CABP7: variants seen among roughly 807,000 people sequenced by gnomAD.
The protein encoded by CABP7 is calcium binding protein 7, also known as calcium-binding protein 7.
A neutral mutation model predicts 23.1 loss-of-function variants in CABP7; 13 were observed. The observed-to-expected ratio is 0.56, with a 90% CI of 0.37 to 0.90. CABP7 has a LOEUF of 0.90. CABP7 is among the 40% of genes least tolerant of loss of function. The pLI is 0.01. For missense variants in CABP7, 248 were observed against 295.6 expected, an observed-to-expected ratio of 0.84 and a Z score of 1.18; for synonymous variants, 123 against 115.3, an observed-to-expected ratio of 1.07 and a Z score of -0.43.
intron 3 of CABP7, 114 bp downstream of exon 3, chr22:29,728,856 T>A (rs953483299): frequency 1.0e-6 from 1 of 1,000,420 alleles, no homozygotes; most frequent in African/African-American, 1.6e-5. Flanking sequence ...CAGGCTTGTG[T>A]CCACTGGACA....
intron 1 of CABP7, among the ~76,000 whole-genome samples, chr22:29,725,688 C>T (rs1045972822): frequency 3.3e-5 from 5 of 152,122 alleles, no homozygotes; most frequent in African/African-American, 1.2e-4. Flanking sequence ...GGGGTTGTGT[C>T]GGGGTTTGCC....
chr22:29,729,343 C>T, intron 4 of CABP7, 99 bp from the exon 5 acceptor site: 1 of 1,576,224 alleles, frequency 6.3e-7, no homozygotes, highest in African/African-American at 1.3e-5. Flanking sequence ...TTGGGGCACC[C>T]CATGGGATGA....
intron 1 of CABP7, among the ~76,000 whole-genome samples, chr22:29,725,770 T>C (rs1168748826): frequency 1.4e-5 from 2 of 139,274 alleles, no homozygotes; most frequent in African/African-American, 5.3e-5. Flanking sequence ...GCAGTCCTGG[T>C]ACCCACAGGA....
intron 1 of CABP7, among the ~76,000 whole-genome samples, chr22:29,726,098 C>T (rs2067793760): frequency 6.6e-6 from 1 of 152,196 alleles, no homozygotes; most frequent in African/African-American, 2.4e-5. Flanking sequence ...CCTCCCCGCC[C>T]AGATGCTTCC....
chr22:29,725,588 A>T (rs5763436), intron 1 of CABP7, among the ~76,000 whole-genome samples: 47,891 of 152,082 alleles, frequency 0.31, 8,664 homozygotes, highest in East Asian at 0.56. Context: ...GGGCAAGAGC[A>T]GGGCCTGTGG....
At position 29,731,212 on chromosome 22, in the gene CABP7, G is replaced by A. The variant is rs199783629; in HGVS notation, c.*1643G>A. On this transcript the variant is annotated 3_prime_UTR_variant, in exon 5 of 5. Transcript: ENST00000216144. ...AAAAGTGACCACGTGGGGGTCAGTC[G>A]GGGGCAAGGGGCTCAGCCCCACTGG... The A allele has an allele frequency of 6.6e-5, 98 of 1,486,626 alleles. No individual in the cohort carries two copies. Among genetic ancestry groups the A allele is most frequent in the Admixed American group, 2.0e-4 (7 of 34,696 alleles). The allele number at this position is 1,486,626 out of a possible 1,614,324, so 92.1% of individuals were successfully genotyped here.
rs1569328907 is a variant in CABP7 at position 29,720,566 on chromosome 22, CCCT to C, written c.109+37_109+39del. On this transcript the variant is annotated intron_variant, in intron 1 of 4. Coordinates refer to ENST00000216144, the MANE Select transcript of CABP7 (RefSeq NM_182527.3). This position sits in a 1 kb window ranked among gnomAD's most constrained non-coding sequence, Gnocchi z 5.2. ...TCCGCCGGGATCCCCGCCCCGGCGG[CCCT>C]CCTACCTGTGCGCCCAGGTGAAGCG... is the stretch of plus-strand genomic sequence containing the variant. 7.0e-7 allele frequency: 1 copy of C among 1,434,130 alleles called. No homozygotes were observed. The allele number at this position is 1,434,130 out of a possible 1,614,324, so 88.8% of individuals were successfully genotyped here. A position where few individuals can be genotyped will look rare whatever the true frequency, so the allele number is the denominator to read the frequency against.
Position 29,720,596 on chromosome 22 carries a change from G to C in CABP7, c.109+63G>C, listed in dbSNP as rs916881783. 6 of 1,100,926 alleles carry C rather than the reference G, an allele frequency of 5.4e-6. No homozygotes were observed. The highest frequency in any genetic ancestry group is 3.3e-5 in the African/African-American group (2 of 59,986). The allele number at this position is 1,100,926 out of a possible 1,614,324, so 68.2% of individuals were successfully genotyped here. A position where few individuals can be genotyped will look rare whatever the true frequency, so the allele number is the denominator to read the frequency against. Reference sequence around the variant, plus strand: ...CTACCTGTGCGCCCAGGTGAAGCGCGGGCCAGGGGCGCGGGGGCGGGGGGC... The same window carrying C: ...CTACCTGTGCGCCCAGGTGAAGCGCCGGCCAGGGGCGCGGGGGCGGGGGGC... On this transcript the variant is annotated intron_variant, in intron 1 of 4. Coordinates refer to ENST00000216144, the MANE Select transcript of CABP7 (RefSeq NM_182527.3). This position sits in a 1 kb window ranked among gnomAD's most constrained non-coding sequence, Gnocchi z 5.2.
Position 29,727,642 on chromosome 22 carries a change from CT to C in CABP7, c.110-19del. ...TTGGGGACCGGGGTGAAGTCCCAGC[CT>C]ACTCCATTCTCTCCTCAGAGATCCG... On this transcript the variant is annotated intron_variant, in intron 1 of 4. Transcript: ENST00000216144. This position sits in a 1 kb window ranked among gnomAD's most constrained non-coding sequence, Gnocchi z 4.2. 1 of 1,613,420 alleles carries C rather than the reference CT, an allele frequency of 6.2e-7. No homozygotes were observed. Among genetic ancestry groups the C allele is most frequent in the Non-Finnish European group, 8.5e-7 (1 of 1,179,784 alleles).
At position 29,729,212 on chromosome 22, in the gene CABP7, A is replaced by G. The variant is rs1049307997; in HGVS notation, c.520+4A>G. 1 of 1,602,726 alleles carries G rather than the reference A, an allele frequency of 6.2e-7. No individual in the cohort carries two copies. Among genetic ancestry groups the G allele is most frequent in the Non-Finnish European group, 8.5e-7 (1 of 1,175,768 alleles). Reference sequence around the variant, plus strand: ...GAGTGTCCCGTGGATGTGGAGAGTGAGTGGCTGGCCCTGGAACCCCACGGG... The same window carrying G: ...GAGTGTCCCGTGGATGTGGAGAGTGGGTGGCTGGCCCTGGAACCCCACGGG... On this transcript the variant is annotated splice_donor_region_variant and intron_variant, in intron 4 of 4. Coordinates refer to ENST00000216144, the MANE Select transcript of CABP7 (RefSeq NM_182527.3).
Position 29,727,629 on chromosome 22 carries a change from G to A in CABP7, c.110-33G>A, listed in dbSNP as rs367782732. 1.4e-5 allele frequency: 22 copies of A among 1,612,444 alleles called. No individual in the cohort carries two copies. The highest frequency in any genetic ancestry group is 1.8e-5 in the Non-Finnish European group (21 of 1,179,358). On this transcript the variant is annotated intron_variant, in intron 1 of 4. Transcript: ENST00000216144. The surrounding 1 kb of genome is among the most constrained non-coding windows in gnomAD (Gnocchi z 4.2). ...GAAAGGGGGTCTGTTGGGGACCGGG[G>A]TGAAGTCCCAGCCTACTCCATTCTC...
At chr22:29,725,362 A>C (rs957027165) in intron 1 of CABP7, among the ~76,000 whole-genome samples, 1 of 152,146 alleles carries the variant, frequency 6.6e-6, no homozygotes, top group Admixed American at 6.5e-5. Flanking sequence ...GCGGTATGTG[A>C]ACTGCTGCTC....
In CABP7 at chr22:29,731,337, G is replaced by A; in HGVS notation, c.*1768G>A. The A allele has an allele frequency of 6.5e-7, 1 of 1,541,824 alleles. No homozygotes were observed. Among genetic ancestry groups the A allele is most frequent in the Non-Finnish European group, 8.7e-7 (1 of 1,153,740 alleles). On this transcript the variant is annotated 3_prime_UTR_variant, in exon 5 of 5. Coordinates refer to ENST00000216144, the MANE Select transcript of CABP7 (RefSeq NM_182527.3). ...GCCCACGGGGTACTGGAAGACAGTG[G>A]TTCTGATGGGTTCAGCCCTAGAGAG...
chr22:29,729,230 C>T, intron 4 of CABP7, 22 bp downstream of exon 4: 1 of 1,593,886 alleles, frequency 6.3e-7, no homozygotes, highest in East Asian at 2.3e-5. Context: ...GCCCTGGAAC[C>T]CCACGGGTGG....
Position 29,728,615 on chromosome 22 carries a change from C to G in CABP7, c.254-15C>G. On this transcript the variant is annotated splice_polypyrimidine_tract_variant and intron_variant, in intron 2 of 4. Coordinates refer to ENST00000216144, the MANE Select transcript of CABP7 (RefSeq NM_182527.3). Reference sequence around the variant, plus strand: ...GGCCCTACCCACTGATTGATTGGACCTGTGCCTCCACCAGGTGATGGTCAA... The same window carrying G: ...GGCCCTACCCACTGATTGATTGGACGTGTGCCTCCACCAGGTGATGGTCAA... 1 of 1,555,736 alleles carries G rather than the reference C, an allele frequency of 6.4e-7. No homozygotes were observed. The highest frequency in any genetic ancestry group is 2.2e-5 in the East Asian group (1 of 44,578).
At chr22:29,728,876 TCA>T in intron 3 of CABP7, 134 bp downstream of exon 3, 1 of 1,022,794 alleles carries the variant, frequency 9.8e-7, no homozygotes, top group Non-Finnish European at 1.5e-6. Flanking sequence ...ATTTCACCTC[TCA>T]GAGGGCCATG....
Position 29,727,938 on chromosome 22 carries a change from C to T in CABP7, c.253+133C>T, listed in dbSNP as rs985437650. On this transcript the variant is annotated intron_variant, in intron 2 of 4. Coordinates refer to ENST00000216144, the MANE Select transcript of CABP7 (RefSeq NM_182527.3). The surrounding 1 kb of genome is among the most constrained non-coding windows in gnomAD (Gnocchi z 4.2). ...TCCCCTGACTCCCACCCTCAAAGTC[C>T]GTGGCAGGTTGCAGCCCGGTCTGGC... 12 of 1,075,316 alleles carry T rather than the reference C, an allele frequency of 1.1e-5. No individual in the cohort carries two copies. The highest frequency in any genetic ancestry group is 2.7e-5 in the East Asian group (1 of 37,456). 66.6% of individuals were successfully genotyped at this position (1,075,316 alleles called of 1,614,324 possible).
At position 29,720,463 on chromosome 22, in the gene CABP7, G is replaced by C. The variant is rs560383681; in HGVS notation, c.39G>C (p.Arg13=). 1.3e-6 allele frequency: 2 copies of C among 1,562,196 alleles called. No individual in the cohort carries two copies. Among genetic ancestry groups the C allele is most frequent in the African/African-American group, 1.4e-5 (1 of 70,730 alleles). Residue 13 remains arginine, a synonymous_variant, in exon 1 of 5, where the codon CGG becomes CGC. Coordinates refer to ENST00000216144, the MANE Select transcript of CABP7 (RefSeq NM_182527.3). This position sits in a 1 kb window ranked among gnomAD's most constrained non-coding sequence, Gnocchi z 5.2. ...FHPVTAALMY[R]GIYTVPNLLS... is the part of the protein sequence containing the mutation. ...CGGTGACGGCGGCGTTGATGTACCG[G>C]GGCATCTACACCGTGCCCAACCTGC... is the stretch of plus-strand genomic sequence containing the variant.
At chr22:29,729,259 G>A (rs1002460198) in intron 4 of CABP7, 51 bp downstream of exon 4, 2 of 1,577,514 alleles carry the variant, frequency 1.3e-6, no homozygotes. Flanking sequence ...ACTTGGCCAG[G>A]GGGACGCACG....
Sources: gnomAD v4.1 joint callset for allele counts (sites outside exome capture counted in the v4.1 genomes callset) on GRCh38, gnomAD v4.1.1 for gene constraint, Gnocchi (gnomAD v3.1) non-coding constraint, MANE v1.5 for transcripts, NCBI Gene and HGNC (gene_info 2026-07-23, HGNC 2026-07-21) for gene names.